TCF4: variants seen among roughly 807,000 people sequenced by gnomAD.
TCF4 encodes SL3-3 enhancer factor 2.
A neutral mutation model predicts 82.1 loss-of-function variants in TCF4; 3 were observed. That is an observed-to-expected ratio of 0.04 (90% CI 0.02 to 0.09). TCF4 has a LOEUF of 0.09. TCF4 is among the 10% of genes least tolerant of loss of function. TCF4 has a pLI of 1.00. For synonymous variants in TCF4, 276 were observed against 309.6 expected, an observed-to-expected ratio of 0.89 and a Z score of 1.14; for missense variants, 518 against 852.7, an observed-to-expected ratio of 0.61 and a Z score of 4.89.
intron 3 of TCF4, among the ~76,000 whole-genome samples, chr18:55,521,450 G>A (rs1189904881): frequency 1.3e-5 from 2 of 152,092 alleles, no homozygotes; most frequent in Non-Finnish European, 2.9e-5. Context: ...AAAGCAAACT[G>A]TACACATTAA....
chr18:55,405,419 CTGAACATCT>C (rs1292663713), intron 5 of TCF4, among the ~76,000 whole-genome samples: 1 of 152,152 alleles, frequency 6.6e-6, no homozygotes, highest in African/African-American at 2.4e-5. Context: ...TCCTAAGAAA[CTGAACATCT>C]AGTGTCCTGT....
At chr18:55,546,290 G>T (rs193124604) in intron 3 of TCF4, among the ~76,000 whole-genome samples, 4 of 152,148 alleles carry the variant, frequency 2.6e-5, no homozygotes, top group Non-Finnish European at 5.9e-5. Flanking sequence ...AGTGAGCTAT[G>T]ATGATGCCTC....
At chr18:55,470,027 C>T (rs2145153229) in intron 3 of TCF4, among the ~76,000 whole-genome samples, 1 of 152,232 alleles carries the variant, frequency 6.6e-6, no homozygotes, top group African/African-American at 2.4e-5. Context: ...CATCTGTCAG[C>T]CTTGAAAATG....
intron 6 of TCF4, among the ~76,000 whole-genome samples, chr18:55,357,313 T>C (rs1051142793): frequency 1.3e-5 from 2 of 152,142 alleles, no homozygotes; most frequent in African/African-American, 4.8e-5. Context: ...TAATAAAAAA[T>C]GGATTTGAAG....
intron 6 of TCF4, among the ~76,000 whole-genome samples, chr18:55,369,421 T>A (rs2088258500): frequency 6.6e-6 from 1 of 152,156 alleles, no homozygotes; most frequent in African/African-American, 2.4e-5. Context: ...GAACCAGAAG[T>A]CCCACTTGAT....
intron 3 of TCF4, among the ~76,000 whole-genome samples, chr18:55,471,959 T>C (rs1176892690): frequency 2.6e-5 from 4 of 152,170 alleles, no homozygotes; most frequent in African/African-American, 9.7e-5. Context: ...AGGGTAGATA[T>C]GCTGGTGAGA....
At chr18:55,343,796 C>T (rs1263647266) in intron 8 of TCF4, among the ~76,000 whole-genome samples, 4 of 152,098 alleles carry the variant, frequency 2.6e-5, no homozygotes, top group Admixed American at 2.0e-4. Context: ...AAGTTTTGCA[C>T]CACATTGTAT....
At chr18:55,367,813 A>G (rs1336824340) in intron 6 of TCF4, among the ~76,000 whole-genome samples, 1 of 152,262 alleles carries the variant, frequency 6.6e-6, no homozygotes, top group Non-Finnish European at 1.5e-5. Context: ...TGCAAAAATG[A>G]ATGATTAATA....
chr18:55,430,312 G>A (rs558369490), intron 5 of TCF4, among the ~76,000 whole-genome samples: 38 of 152,294 alleles, frequency 2.5e-4, no homozygotes, highest in African/African-American at 8.7e-4. Context: ...GAGTAAGTGG[G>A]GGGAAGCAGA....
At chr18:55,599,993 T>G (rs940845470) in intron 2 of TCF4, among the ~76,000 whole-genome samples, 3 of 152,220 alleles carry the variant, frequency 2.0e-5, no homozygotes, top group African/African-American at 7.2e-5. Context: ...TCCATGTGGC[T>G]TCTGTCACTC....
At chr18:55,584,697 T>C (rs901725300) in intron 3 of TCF4, among the ~76,000 whole-genome samples, 1 of 152,058 alleles carries the variant, frequency 6.6e-6, no homozygotes, top group African/African-American at 2.4e-5. Flanking sequence ...TAAAAATTCA[T>C]TGCACAAGTA....
At chr18:55,264,219 T>A (rs1034837430) in intron 11 of TCF4, among the ~76,000 whole-genome samples, 3 of 152,272 alleles carry the variant, frequency 2.0e-5, no homozygotes, top group Middle Eastern at 3.4e-3. Flanking sequence ...GAAATAGAAT[T>A]AAAAATAGAA....
intron 2 of TCF4, among the ~76,000 whole-genome samples, chr18:55,630,688 A>G (rs1603625739): frequency 6.6e-6 from 1 of 152,336 alleles, no homozygotes; most frequent in East Asian, 1.9e-4. Flanking sequence ...TGGAGTTTAT[A>G]ACCCCAAAGA....
chr18:55,445,952 G>A (rs990274025), intron 5 of TCF4, among the ~76,000 whole-genome samples: 2 of 152,096 alleles, frequency 1.3e-5, no homozygotes, highest in African/African-American at 4.8e-5. Context: ...ACCCAACCAT[G>A]GCTCTAAGAG....
At chr18:55,621,331 ATCTTTT>A (rs1481995977) in intron 2 of TCF4, among the ~76,000 whole-genome samples, 10 of 146,060 alleles carry the variant, frequency 6.8e-5, no homozygotes, top group African/African-American at 1.8e-4. Flanking sequence ...TATTTAACAT[ATCTTTT>A]TCTTTTTAAG....
At chr18:55,244,830 T>A (rs763047061) in intron 15 of TCF4, among the ~76,000 whole-genome samples, 1 of 152,174 alleles carries the variant, frequency 6.6e-6, no homozygotes, top group Admixed American at 6.5e-5. Flanking sequence ...TCACACACTT[T>A]CAGCTCCAAA....
intron 8 of TCF4, among the ~76,000 whole-genome samples, chr18:55,323,965 TATTA>T (rs1413774048): frequency 1.3e-5 from 2 of 152,230 alleles, no homozygotes; most frequent in Non-Finnish European, 2.9e-5. Context: ...AATGCCTTCC[TATTA>T]ATTATGTAAA....
At chr18:55,518,227 A>C (rs552173144) in intron 3 of TCF4, among the ~76,000 whole-genome samples, 6 of 152,280 alleles carry the variant, frequency 3.9e-5, no homozygotes, top group African/African-American at 1.4e-4. Context: ...TGTCTGTTAT[A>C]TAAAATGTTT....
At chr18:55,602,952 A>G (rs1255385930) in intron 2 of TCF4, among the ~76,000 whole-genome samples, 3 of 152,194 alleles carry the variant, frequency 2.0e-5, no homozygotes, top group Non-Finnish European at 4.4e-5. Context: ...GAAAAAGGGA[A>G]ACCAAAATGA....
Sources: allele counts gnomAD v4.1 joint callset (sites outside exome capture counted in the v4.1 genomes callset), GRCh38; gene constraint gnomAD v4.1.1; transcripts MANE v1.5; gene names NCBI Gene and HGNC (gene_info 2026-07-23, HGNC 2026-07-21).